The following GSTA1 variants were observed in gnomAD, a reference collection of about 807,000 sequenced individuals.
GSTA1 encodes glutathione S-transferase alpha 1, also known as glutathione S-transferase A1.
GSTA1 carries 23 observed loss-of-function variants against 21.5 expected under a neutral mutation model. That is an observed-to-expected ratio of 1.07 (90% CI 0.77 to 1.52). GSTA1 has a LOEUF of 1.52. Among genes scored for constraint, GSTA1 ranks in the 40% most tolerant of loss-of-function variants. The pLI is 0.00. For synonymous variants in GSTA1, 125 were observed against 90.0 expected (o/e 1.39, Z -2.20); for missense variants, 301 against 264.2 (o/e 1.14, Z -0.96).
chr6:52,798,983 T>C (rs1383297157), intron 2 of GSTA1, among the ~76,000 whole-genome samples, 198 bp downstream of exon 2: 1 of 152,264 alleles, frequency 6.6e-6, no homozygotes, highest in East Asian at 1.9e-4. Context: ...GTCTTAATTG[T>C]ATTTTAATAT....
Position 52,800,709 on chromosome 6 carries a change from G to A in GSTA1, c.-30-1412C>T, listed in dbSNP as rs570273108. Among the ~76,000 whole-genome samples, 8 of 152,232 alleles carry A rather than the reference G, an allele frequency of 5.3e-5. No homozygotes were observed. In the East Asian group the frequency reaches 1.5e-3, roughly 29 times the overall value. On this transcript the variant is annotated intron_variant, in intron 1 of 6. Transcript: ENST00000334575. ...AATTGTATCATGAATGTGAATGGAA[G>A]GGCACAGGACTCATTGAAAGCAGGA...
chr6:52,800,983 G>A (rs1231131758), intron 1 of GSTA1, among the ~76,000 whole-genome samples: 3 of 152,166 alleles, frequency 2.0e-5, no homozygotes, highest in South Asian at 2.1e-4. Context: ...CCAGGTTCTA[G>A]TGATTCTCCT....
At chr6:52,796,352 A>T (rs767049523) in intron 3 of GSTA1, 38 bp from the exon 4 acceptor site, 2 of 1,613,252 alleles carry the variant, frequency 1.2e-6, no homozygotes, top group Non-Finnish European at 1.7e-6. Flanking sequence ...TGAAGTGTCT[A>T]TGAAACCCAC....
In GSTA1 at chr6:52,797,606, T is replaced by A. The variant is rs1303881797; in HGVS notation, c.119A>T (p.Asp40Val). ...CTTACCATTTCTTAACTTGTCCAAA[T>A]CTTCTGCAGATTTTATAAATTTCTC... ...FEEKFIKSAE[D>V]LDKLRNDGYL... Residue 40 changes from aspartate to valine, a missense_variant, in exon 3 of 7, where the codon GAT becomes GTT. By Grantham distance (152) the Asp-to-Val change is radical. Transcript: ENST00000334575. 3.7e-6 allele frequency: 6 copies of A among 1,608,082 alleles called. No individual in the cohort carries two copies. Among genetic ancestry groups the A allele is most frequent in the Non-Finnish European group, 3.4e-6 (4 of 1,174,912 alleles).
chr6:52,792,831 C>T (rs781759674), intron 6 of GSTA1, 25 bp downstream of exon 6: 9 of 1,613,490 alleles, frequency 5.6e-6, no homozygotes, highest in Admixed American at 3.3e-5. Context: ...GTGGGGCTGC[C>T]TCTCTGGGCT....
intron 1 of GSTA1, among the ~76,000 whole-genome samples, chr6:52,801,072 G>T (rs1427926346): frequency 2.0e-5 from 3 of 152,014 alleles, no homozygotes; most frequent in Non-Finnish European, 4.4e-5. Flanking sequence ...GTGGAGACAG[G>T]GTTTCAGCAT....
At chr6:52,801,936 AC>A (rs201034654) in intron 1 of GSTA1, among the ~76,000 whole-genome samples, 25,530 of 151,528 alleles carry the variant, frequency 0.17, 4,348 homozygotes, top group African/African-American at 0.44. Flanking sequence ...GAGCTTTTCC[AC>A]TCCACCTCAT....
chr6:52,792,208 C>G, intron 6 of GSTA1, among the ~76,000 whole-genome samples: 1 of 152,180 alleles, frequency 6.6e-6, no homozygotes, highest in South Asian at 2.1e-4. Context: ...GTTCAGTCAT[C>G]TCTATCTTTC....
intron 4 of GSTA1, among the ~76,000 whole-genome samples, chr6:52,794,569 G>A (rs1763534677): frequency 1.3e-5 from 2 of 152,320 alleles, no homozygotes; most frequent in Admixed American, 1.3e-4. Context: ...CACTGATGCT[G>A]TGCCAAGATT....
At chr6:52,792,781 C>T in intron 6 of GSTA1, 75 bp downstream of exon 6, 2 of 1,611,716 alleles carry the variant, frequency 1.2e-6, no homozygotes, top group Non-Finnish European at 1.7e-6. Context: ...AAAACTTGGT[C>T]AGTCGCAGGG....
chr6:52,797,802 C>T (rs1398867954), intron 2 of GSTA1, among the ~76,000 whole-genome samples, 165 bp from the exon 3 acceptor site: 2 of 152,174 alleles, frequency 1.3e-5, no homozygotes. Flanking sequence ...AGACCTAATT[C>T]ATTGAGAAAA....
intron 6 of GSTA1, 45 bp from the exon 7 acceptor site, chr6:52,792,025 C>A: frequency 6.2e-7 from 1 of 1,611,060 alleles, no homozygotes; most frequent in Non-Finnish European, 8.5e-7. Context: ...CAAGGGCTGA[C>A]ACCACCATTA....
chr6:52,796,448 A>G (rs1763584716), intron 3 of GSTA1, 134 bp from the exon 4 acceptor site: 1 of 791,594 alleles, frequency 1.3e-6, no homozygotes. Context: ...TTCACTTGAA[A>G]CAAAAACTAT....
chr6:52,791,935 G>A lies in GSTA1; in HGVS notation c.592C>T (p.Leu198=), dbSNP rs376100872. 2.7e-5 allele frequency: 44 copies of A among 1,613,862 alleles called. No homozygotes were observed. The African/African-American group carries it at 4.0e-4, about 15-fold the overall frequency. The change falls in exon 7 of 7, where the codon CTA becomes TTA. Residue 198 remains leucine, a synonymous_variant. Coordinates refer to ENST00000334575, the MANE Select transcript of GSTA1 (RefSeq NM_145740.5). ...ISNLPTVKKF[L]QPGSPRKPPM... is the part of the protein sequence containing the mutation. ...GGCTTCCTTGGGCTGCCAGGCTGTA[G>A]AAACTTCTTCACTGTGGGCAGGTTG...
rs772393659 is a variant in GSTA1 at position 52,791,916 on chromosome 6, C to T, written c.611G>A (p.Arg204Lys). The stretch of plus-strand genomic sequence containing the variant: ...AGATTTCTCATCCATGGGAGGCTTC[C>T]TTGGGCTGCCAGGCTGTAGAAACTT... ...VKKFLQPGSP[R>K]KPPMDEKSLE... is the part of the protein sequence containing the mutation. Residue 204 changes from arginine (R) to lysine (K), a missense_variant, in exon 7 of 7, where the codon AGG (arginine) becomes AAG (lysine). Transcript: ENST00000334575. The T allele has an allele frequency of 1.9e-6, 3 of 1,613,930 alleles. No individual in the cohort carries two copies. The highest frequency in any genetic ancestry group is 2.5e-6 in the Non-Finnish European group (3 of 1,179,848).
chr6:52,798,120 A>C (rs574974764), intron 2 of GSTA1, among the ~76,000 whole-genome samples: 2 of 152,362 alleles, frequency 1.3e-5, no homozygotes, highest in East Asian at 3.9e-4. Flanking sequence ...GCTAAGTGTG[A>C]AATAGGTCGC....
chr6:52,796,543 A>ATATTTTTT (rs1300549721), intron 3 of GSTA1, among the ~76,000 whole-genome samples: 327 of 23,684 alleles, frequency 0.014, 13 homozygotes, highest in Non-Finnish European at 0.026. Flanking sequence ...ATATATATAT[A>ATATTTTTT]TTTTTTTTTT....
chr6:52,794,338 G>A (rs542231826), intron 4 of GSTA1, 72 bp from the exon 5 acceptor site: 13 of 1,474,684 alleles, frequency 8.8e-6, no homozygotes, highest in East Asian at 4.6e-5. Context: ...AAAACCTAAG[G>A]GAGTAGAGTA....
At position 52,796,095 on chromosome 6, in the gene GSTA1, A is replaced by C; in HGVS notation, c.272+87T>G. 3 of 1,595,398 alleles carry C rather than the reference A, an allele frequency of 1.9e-6. No homozygotes were observed. In the South Asian group the frequency reaches 3.3e-5, roughly 18 times the overall value. On this transcript the variant is annotated intron_variant, in intron 4 of 6. Transcript: ENST00000334575. ...AAGGCCCAGCCTGCTGCTGGTCATG[A>C]TGCCCTGCCATCGTCCCACCCACTC...
Sources: allele counts gnomAD v4.1 joint callset (sites outside exome capture counted in the v4.1 genomes callset), GRCh38; gene constraint gnomAD v4.1.1; transcripts MANE v1.5; gene names NCBI Gene and HGNC (gene_info 2026-07-23, HGNC 2026-07-21).